TASP1: variants seen among roughly 807,000 people sequenced by gnomAD.
TASP1 encodes the protein taspase 1.
A neutral mutation model predicts 56.6 loss-of-function variants in TASP1; 16 were observed. The observed-to-expected ratio is 0.28, with a 90% confidence interval of 0.19 to 0.43. TASP1 has a LOEUF of 0.43. TASP1 is among the 20% of genes least tolerant of loss of function. The pLI is 1.00. For synonymous variants in TASP1, 179 were observed against 184.2 expected (o/e 0.97, Z 0.23); for missense variants, 393 against 511.6 (o/e 0.77, Z 2.24).
At chr20:13,139,894 C>T in the TASP1 span, among the ~76,000 whole-genome samples, 2 of 152,202 alleles carry the variant, frequency 1.3e-5, no homozygotes, top group South Asian at 4.1e-4. Flanking sequence ...GATCTCTCCT[C>T]CTTTTTTAGG....
chr20:13,199,638 C>A, the TASP1 span, among the ~76,000 whole-genome samples: 3 of 152,194 alleles, frequency 2.0e-5, no homozygotes, highest in African/African-American at 7.2e-5. Context: ...TGCCCTGTAT[C>A]TTTATTTATA....
chr20:13,484,446 G>A (rs2043249211), intron 10 of TASP1, among the ~76,000 whole-genome samples: 1 of 152,108 alleles, frequency 6.6e-6, no homozygotes, highest in Non-Finnish European at 1.5e-5. Context: ...AGAAAATGTG[G>A]CACATAGGCC....
the TASP1 span, among the ~76,000 whole-genome samples, chr20:13,374,506 G>A: frequency 1.8e-4 from 27 of 151,872 alleles, no homozygotes; most frequent in African/African-American, 5.8e-4. Flanking sequence ...CCGCCACCGC[G>A]CCCGGCTAAT....
chr20:13,126,740 C>T, the TASP1 span: 2 of 1,613,240 alleles, frequency 1.2e-6, no homozygotes, highest in Non-Finnish European at 1.7e-6. Flanking sequence ...GCAGAGAGCA[C>T]AGCTCCTGGA....
chr20:13,563,467 A>T (rs903990510), intron 7 of TASP1, among the ~76,000 whole-genome samples: 1 of 152,170 alleles, frequency 6.6e-6, no homozygotes, highest in Non-Finnish European at 1.5e-5. Flanking sequence ...ACCATAAGAA[A>T]GCTATCAACC....
chr20:13,110,097 T>C, the TASP1 span: 1 of 1,574,152 alleles, frequency 6.4e-7, no homozygotes, highest in Non-Finnish European at 8.6e-7. Flanking sequence ...TTTTTTTTTT[T>C]GGTATTATTT....
At chr20:13,474,290 A>C (rs749522114) in intron 11 of TASP1, among the ~76,000 whole-genome samples, 15 of 152,132 alleles carry the variant, frequency 9.9e-5, no homozygotes, top group Non-Finnish European at 1.9e-4. Flanking sequence ...CTCCCCTCCC[A>C]ATCTTCTCCT....
chr20:13,377,509 A>C, the TASP1 span, among the ~76,000 whole-genome samples: 7 of 152,316 alleles, frequency 4.6e-5, no homozygotes, highest in Admixed American at 4.6e-4. Context: ...ATCAGTGTTC[A>C]TCAGGGATAT....
chr20:13,118,469 A>AC, the TASP1 span, among the ~76,000 whole-genome samples: 1 of 151,580 alleles, frequency 6.6e-6, no homozygotes, highest in African/African-American at 2.4e-5. Context: ...ACAAAAAAAA[A>AC]CAATAAATAT....
intron 6 of TASP1, among the ~76,000 whole-genome samples, chr20:13,579,631 G>T (rs1462496575): frequency 3.9e-5 from 6 of 152,100 alleles, no homozygotes; most frequent in Non-Finnish European, 8.8e-5. Context: ...GGTTACAAGG[G>T]TGAGCCACCG....
At chr20:13,243,421 T>C in the TASP1 span, among the ~76,000 whole-genome samples, 1 of 152,178 alleles carries the variant, frequency 6.6e-6, no homozygotes, top group South Asian at 2.1e-4. Context: ...TGCCTCCAGC[T>C]TGGCACAAAG....
chr20:13,614,696 C>A, intron 4 of TASP1: 1 of 366,892 alleles, frequency 2.7e-6, no homozygotes, highest in Non-Finnish European at 5.6e-6. Context: ...AATTGAAAGC[C>A]ACATAATTAC....
At chr20:13,533,582 T>C (rs555531393) in intron 9 of TASP1, among the ~76,000 whole-genome samples, 2 of 152,142 alleles carry the variant, frequency 1.3e-5, no homozygotes, top group South Asian at 2.1e-4. Flanking sequence ...AGAGGAGGGA[T>C]GTAAAGGGCC....
chr20:13,197,137 C>T, the TASP1 span, among the ~76,000 whole-genome samples: 1 of 152,200 alleles, frequency 6.6e-6, no homozygotes, highest in Non-Finnish European at 1.5e-5. Flanking sequence ...GGCAGGGGTG[C>T]AACACACAAA....
At chr20:13,527,024 AGAGAACAGCTGAAATCAT>A (rs1480610964) in intron 10 of TASP1, among the ~76,000 whole-genome samples, 15 of 152,274 alleles carry the variant, frequency 9.9e-5, no homozygotes, top group African/African-American at 3.6e-4. Context: ...CAATCCCAAG[AGAGAACAGCTGAAATCAT>A]GAGAACAGCA....
intron 10 of TASP1, among the ~76,000 whole-genome samples, chr20:13,503,427 A>G (rs1231619969): frequency 6.6e-6 from 1 of 152,160 alleles, no homozygotes; most frequent in Admixed American, 6.5e-5. Context: ...CGTAAAAAAA[A>G]GGTTTAAGAG....
chr20:13,401,058 C>T (rs1055347134), intron 13 of TASP1, among the ~76,000 whole-genome samples: 1 of 152,118 alleles, frequency 6.6e-6, no homozygotes, highest in African/African-American at 2.4e-5. Flanking sequence ...AAGTGAAGCG[C>T]CCAGGCTTCA....
At chr20:13,413,309 C>T (rs2042151737) in intron 13 of TASP1, among the ~76,000 whole-genome samples, 1 of 152,086 alleles carries the variant, frequency 6.6e-6, no homozygotes, top group Non-Finnish European at 1.5e-5. Flanking sequence ...TACCATGTGT[C>T]AGAGTATGAC....
At chr20:13,211,762 T>C in the TASP1 span, among the ~76,000 whole-genome samples, 15 of 152,178 alleles carry the variant, frequency 9.9e-5, no homozygotes, top group African/African-American at 3.6e-4. Flanking sequence ...TTGCTCAGGT[T>C]AAATAAAATA....
Sources: allele counts gnomAD v4.1 joint callset (sites outside exome capture counted in the v4.1 genomes callset), GRCh38; gene constraint gnomAD v4.1.1; transcripts MANE v1.5; gene names NCBI Gene and HGNC (gene_info 2026-07-23, HGNC 2026-07-21).